AP4E1: variants seen among roughly 807,000 people sequenced by gnomAD.
The protein encoded by AP4E1 is AP-4 complex subunit epsilon-1.
Under a neutral mutation model 128.2 loss-of-function variants are expected in AP4E1, and 56 were observed. That is an observed-to-expected ratio of 0.44 (90% CI 0.35 to 0.55). The LOEUF (loss-of-function observed/expected upper bound fraction) is 0.55. Ranked by LOEUF, AP4E1 falls within the 20% of genes least tolerant of loss-of-function variation. The probability of loss-of-function intolerance (pLI) is 0.00; values close to 1 mark genes in which losing one functional copy is unlikely to be tolerated. For missense variants in AP4E1, 1,324 were observed against 1,307.7 expected, an observed-to-expected ratio of 1.01 and a Z score of -0.19; for synonymous variants, 484 against 473.1, an observed-to-expected ratio of 1.02 and a Z score of -0.30.
chr15:50,969,860 C>T (rs1045632556), intron 15 of AP4E1, among the ~76,000 whole-genome samples: 19 of 151,994 alleles, frequency 1.3e-4, no homozygotes, highest in African/African-American at 3.1e-4. Context: ...AGGGTTTCAC[C>T]ATGTTAGCCA....
At chr15:50,926,437 A>G (rs1382772285) in intron 5 of AP4E1, among the ~76,000 whole-genome samples, 1 of 152,000 alleles carries the variant, frequency 6.6e-6, no homozygotes, top group East Asian at 1.9e-4. Context: ...CGCCTGGCCC[A>G]TAATTTTTAA....
intron 7 of AP4E1, among the ~76,000 whole-genome samples, chr15:50,932,395 C>G (rs1039163795): frequency 2.0e-5 from 3 of 152,170 alleles, no homozygotes; most frequent in Non-Finnish European, 4.4e-5. Flanking sequence ...TTCTATCATT[C>G]TCATTCTCTG....
At chr15:50,983,972 T>G (rs776402360) in intron 15 of AP4E1, 50 bp from the exon 16 acceptor site, 6 of 1,589,598 alleles carry the variant, frequency 3.8e-6, no homozygotes, top group Non-Finnish European at 5.2e-6. Context: ...CTTTGACAGT[T>G]TTTTGCTTTG....
At chr15:50,956,966 C>T (rs901973977) in intron 13 of AP4E1, among the ~76,000 whole-genome samples, 15 of 152,116 alleles carry the variant, frequency 9.9e-5, no homozygotes, top group African/African-American at 3.4e-4. Context: ...GAGTGAGTCG[C>T]TTTTGGGCTC....
chr15:50,995,204 T>C (rs1306209794), intron 17 of AP4E1, among the ~76,000 whole-genome samples: 1 of 152,184 alleles, frequency 6.6e-6, no homozygotes, highest in Non-Finnish European at 1.5e-5. Flanking sequence ...TGGCTGTTTT[T>C]CTTCAGAAAT....
In AP4E1 at chr15:50,930,893, A is replaced by G. The variant is rs145541719; in HGVS notation, c.791A>G (p.Asn264Ser). The part of the protein sequence containing the change: ...VVGGKLPVEF[N>S]YHSVPAPWLQ... ...GGAGGAAAGCTCCCAGTAGAATTCA[A>G]TTACCACAGTGTGCCAGCACCATGG... Residue 264 changes from asparagine to serine, a missense_variant, in exon 7 of 21, where the codon AAT (asparagine) becomes AGT (serine). Coordinates refer to ENST00000261842, the MANE Select transcript of AP4E1 (RefSeq NM_007347.5). 2.7e-4 allele frequency: 436 copies of G among 1,614,146 alleles called. 2 individuals carry two copies. In the East Asian group the frequency reaches 6.2e-3, roughly 23 times the overall value.
At chr15:50,979,299 TG>T (rs1179486864) in intron 15 of AP4E1, among the ~76,000 whole-genome samples, 3 of 152,186 alleles carry the variant, frequency 2.0e-5, no homozygotes, top group Non-Finnish European at 4.4e-5. Context: ...ATTCAGAGAT[TG>T]GACTGTAAAA....
intron 4 of AP4E1, 53 bp downstream of exon 4, chr15:50,924,057 A>G (rs571703170): frequency 4.9e-6 from 7 of 1,417,968 alleles, no homozygotes; most frequent in South Asian, 4.6e-5. Context: ...TCAGCACCTG[A>G]TATTTCTCCT....
intron 1 of AP4E1, among the ~76,000 whole-genome samples, chr15:50,911,417 G>A (rs2063564896): frequency 6.6e-6 from 1 of 151,450 alleles, no homozygotes; most frequent in South Asian, 2.1e-4. Context: ...AGGGGAAGAT[G>A]TGAGATGAGA....
chr15:50,948,366 CTTTTA>C (rs2064093320), intron 11 of AP4E1, among the ~76,000 whole-genome samples: 1 of 61,808 alleles, frequency 1.6e-5, no homozygotes, highest in Non-Finnish European at 3.5e-5. Flanking sequence ...TTGCTGGTTT[CTTTTA>C]TTCATGTAGT....
At chr15:50,953,062 GA>G (rs1225954612) in intron 13 of AP4E1, among the ~76,000 whole-genome samples, 2 of 151,638 alleles carry the variant, frequency 1.3e-5, no homozygotes, top group East Asian at 1.9e-4. Flanking sequence ...ACCAAAGGGA[GA>G]AAAAAAAGAT....
chr15:50,940,344 T>A (rs1010336103), intron 8 of AP4E1, among the ~76,000 whole-genome samples: 1 of 148,150 alleles, frequency 6.7e-6, no homozygotes, highest in Non-Finnish European at 1.5e-5. Context: ...AGGTTTAAAA[T>A]TTTTTTTTGT....
At chr15:50,972,268 G>T (rs1369370322) in intron 15 of AP4E1, among the ~76,000 whole-genome samples, 1 of 152,022 alleles carries the variant, frequency 6.6e-6, no homozygotes, top group Non-Finnish European at 1.5e-5. Context: ...CTGGAGTGCG[G>T]TGGCATGATC....
chr15:50,929,522 C>T (rs1358720361), intron 6 of AP4E1, among the ~76,000 whole-genome samples: 5 of 151,096 alleles, frequency 3.3e-5, no homozygotes, highest in Non-Finnish European at 5.9e-5. Flanking sequence ...GGAAAACCAG[C>T]GGGGGTTGTG....
intron 19 of AP4E1, among the ~76,000 whole-genome samples, chr15:51,000,114 A>G (rs1377283267): frequency 6.6e-6 from 1 of 151,080 alleles, no homozygotes; most frequent in Non-Finnish European, 1.5e-5. Context: ...CTTCTGTTAC[A>G]ATACAATGCT....
chr15:50,929,961 T>C (rs1390126806), intron 6 of AP4E1, among the ~76,000 whole-genome samples: 4 of 151,906 alleles, frequency 2.6e-5, no homozygotes, highest in African/African-American at 9.7e-5. Flanking sequence ...ATTTCCCCAG[T>C]CCAAGAGATT....
intron 15 of AP4E1, among the ~76,000 whole-genome samples, chr15:50,970,841 G>T (rs2064468693): frequency 6.6e-6 from 1 of 152,114 alleles, no homozygotes; most frequent in Admixed American, 6.5e-5. Context: ...TTAAGTGGGG[G>T]AATTTGATCC....
intron 7 of AP4E1, among the ~76,000 whole-genome samples, chr15:50,932,062 C>T (rs1311692611): frequency 6.6e-6 from 1 of 152,062 alleles, no homozygotes; most frequent in Non-Finnish European, 1.5e-5. Context: ...TCACTGCAAC[C>T]TCCACCTCCC....
chr15:50,968,283 T>C lies in AP4E1; in HGVS notation c.1872T>C (p.Phe624=). 2 of 1,613,556 alleles carry C rather than the reference T, an allele frequency of 1.2e-6. No individual in the cohort carries two copies. The highest frequency in any genetic ancestry group is 1.1e-5 in the South Asian group (1 of 91,012). ...EDLVVDASLS[F]LDGFVAEGLS... is the part of the protein sequence containing the mutation. ...TATAGGTAGATGCTTCTTTATCTTT[T>C]CTGGATGGTTTTGTGGCTGAAGGAC... Residue 624 remains phenylalanine, a synonymous_variant, in exon 15 of 21, where the codon TTT becomes TTC. Transcript: ENST00000261842.
Sources: gnomAD v4.1 joint callset for allele counts (sites outside exome capture counted in the v4.1 genomes callset) on GRCh38, gnomAD v4.1.1 for gene constraint, MANE v1.5 for transcripts, NCBI Gene and HGNC (gene_info 2026-07-23, HGNC 2026-07-21) for gene names.